Variants in VPS16 observed in about 807,000 individuals in gnomAD.
VPS16 encodes the protein VPS16 core subunit of CORVET and HOPS complexes.
Under a neutral mutation model 116.0 loss-of-function variants are expected in VPS16, and 82 were observed. The ratio of observed to expected loss-of-function variants is 0.71; its 90% CI spans 0.59 to 0.85. The LOEUF (loss-of-function observed/expected upper bound fraction) is 0.85. VPS16 is among the 40% of genes least tolerant of loss of function. The pLI, the probability that VPS16 is intolerant of heterozygous loss-of-function variation, is 0.00. For missense variants in VPS16, 928 were observed against 1,090.6 expected, an observed-to-expected ratio of 0.85 and a Z score of 2.10; for synonymous variants, 406 against 420.7, an observed-to-expected ratio of 0.96 and a Z score of 0.43.
chr20:2,864,147 C>T lies in VPS16; in HGVS notation c.1612-32C>T, dbSNP rs747434281. 5.6e-6 allele frequency: 9 copies of T among 1,614,116 alleles called. No homozygotes were observed. In the East Asian group the frequency reaches 8.9e-5, roughly 16 times the overall value. Reference sequence around the variant, plus strand: ...TTGTTCAGGGCCCCCATGCCAGCTCCTTCTCTCTGTGCCTTCCTTCTCACC... The same window carrying T: ...TTGTTCAGGGCCCCCATGCCAGCTCTTTCTCTCTGTGCCTTCCTTCTCACC... On this transcript the variant is annotated intron_variant, in intron 16 of 23. Transcript: ENST00000380445. The surrounding 1 kb of genome is among the most constrained non-coding windows in gnomAD (Gnocchi z 5.2).
rs949404197 is a variant in VPS16 at position 2,864,675 on chromosome 20, G to A, written c.1926+21G>A. The A allele has an allele frequency of 6.3e-6, 10 of 1,598,446 alleles. No homozygotes were observed. The African/African-American group carries it at 1.2e-4, about 19-fold the overall frequency. Reference sequence around the variant, plus strand: ...AAGAGGTCTGAGATCCATGGGGCGTGTGGGGCGTGTGGGGCATGTGGGCTG... The same window carrying A: ...AAGAGGTCTGAGATCCATGGGGCGTATGGGGCGTGTGGGGCATGTGGGCTG... On this transcript the variant is annotated intron_variant, in intron 19 of 23. Coordinates refer to ENST00000380445, the MANE Select transcript of VPS16 (RefSeq NM_022575.4). This position sits in a 1 kb window ranked among gnomAD's most constrained non-coding sequence, Gnocchi z 5.2.
Position 2,864,805 on chromosome 20 carries a change from G to T in VPS16, c.1926+151G>T. The T allele has an allele frequency of 2.6e-6, 3 of 1,169,594 alleles. No homozygotes were observed. Among genetic ancestry groups the T allele is most frequent in the Non-Finnish European group, 3.7e-6 (3 of 811,718 alleles). The allele number at this position is 1,169,594 out of a possible 1,614,324, so 72.5% of individuals were successfully genotyped here. On this transcript the variant is annotated intron_variant, in intron 19 of 23. Transcript: ENST00000380445. The surrounding 1 kb of genome is among the most constrained non-coding windows in gnomAD (Gnocchi z 5.2). ...ACTCTGACGTGAGGCCAGGATGGGG[G>T]TTAGTGTCAGAGGAGCTAGCCATCC...
intron 8 of VPS16, 60 bp downstream of exon 8, chr20:2,861,340 A>G: frequency 1.2e-6 from 2 of 1,609,986 alleles, no homozygotes; most frequent in Non-Finnish European, 1.7e-6. Context: ...TTCCTGGGAC[A>G]ATCAGTTCCT....
chr20:2,864,853 AC>A lies in VPS16; in HGVS notation c.1927-123del, dbSNP rs2089302126. The A allele has an allele frequency of 7.6e-7, 1 of 1,312,480 alleles. No individual in the cohort carries two copies. Among genetic ancestry groups the A allele is most frequent in the South Asian group, 1.2e-5 (1 of 80,906 alleles). The allele number at this position is 1,312,480 out of a possible 1,614,324, so 81.3% of individuals were successfully genotyped here. A position where few individuals can be genotyped will look rare whatever the true frequency, so the allele number is the denominator to read the frequency against. Reference sequence around the variant, plus strand: ...TCCCTCTAGGACATCAGAGTGGTGCACCTAGCAGGCAAGGCTGACCCTGGCG... The same window carrying A: ...TCCCTCTAGGACATCAGAGTGGTGCACTAGCAGGCAAGGCTGACCCTGGCG... On this transcript the variant is annotated intron_variant, in intron 19 of 23. Transcript: ENST00000380445. The surrounding 1 kb of genome is among the most constrained non-coding windows in gnomAD (Gnocchi z 5.2).
rs201833647 is a variant in VPS16 at position 2,860,850 on chromosome 20, C to T, written c.617C>T (p.Ala206Val). ...GPDLYLLDHAACSAVTPPGLA... is the reference protein window; with the variant it reads ...GPDLYLLDHAVCSAVTPPGLA... ...GACCTTTACCTCTTGGACCATGCAGCCTGCTCCGCAGTGGTAAGGGCCCTG... is the reference window on the plus strand; with the variant it reads ...GACCTTTACCTCTTGGACCATGCAGTCTGCTCCGCAGTGGTAAGGGCCCTG... Residue 206 changes from alanine (A) to valine (V), a missense_variant, in exon 6 of 24, where the codon GCC becomes GTC. Ala to Val is a moderately conservative substitution (Grantham distance 64). Transcript: ENST00000380445. The surrounding 1 kb of genome is among the most constrained non-coding windows in gnomAD (Gnocchi z 6.1). 422 of 1,614,096 alleles carry T rather than the reference C, an allele frequency of 2.6e-4. No individual in the cohort carries two copies. Among genetic ancestry groups the T allele is most frequent in the Admixed American group, 3.7e-4 (22 of 60,018 alleles).
chr20:2,864,381 G>A lies in VPS16; in HGVS notation c.1737G>A (p.Leu579=), dbSNP rs372849166. 69 of 1,614,070 alleles carry A rather than the reference G, an allele frequency of 4.3e-5. No homozygotes were observed. Among genetic ancestry groups the A allele is most frequent in the Non-Finnish European group, 5.3e-5 (62 of 1,180,046 alleles). ...CTCCTGCAGTGTTCACGGTGTTGCT[G>A]CACCTGAAGAACGAGCTGAACCGAG... ...GDTDLVFTVL[L]HLKNELNRGD... The change falls in exon 18 of 24, where the codon CTG becomes CTA. Residue 579 remains leucine (L), a synonymous_variant. Transcript: ENST00000380445. This position sits in a 1 kb window ranked among gnomAD's most constrained non-coding sequence, Gnocchi z 5.2.
chr20:2,865,275 G>T lies in VPS16; in HGVS notation c.2132G>T (p.Arg711Leu). 4 of 1,614,110 alleles carry T rather than the reference G, an allele frequency of 2.5e-6. No individual in the cohort carries two copies. The highest frequency in any genetic ancestry group is 3.4e-6 in the Non-Finnish European group (4 of 1,180,040). Residue 711 changes from arginine (R) to leucine (L), a missense_variant, in exon 21 of 24, where the codon CGT becomes CTT. Arg to Leu is a moderately radical substitution (Grantham distance 102, BLOSUM62 -2). Coordinates refer to ENST00000380445, the MANE Select transcript of VPS16 (RefSeq NM_022575.4). The surrounding 1 kb of genome is among the most constrained non-coding windows in gnomAD (Gnocchi z 5.2). ...TTLILGGHNKRAEQLARDFRI... is the reference protein window; with the variant it reads ...TTLILGGHNKLAEQLARDFRI... ...CTCATTCTTGGCGGTCACAACAAGC[G>T]TGCAGAGCAGCTGGCACGTGACTTC... is the stretch of plus-strand genomic sequence containing the variant.
intron 1 of VPS16, among the ~76,000 whole-genome samples, chr20:2,842,996 A>G (rs1314368653): frequency 6.6e-6 from 1 of 151,040 alleles, no homozygotes; most frequent in Non-Finnish European, 1.5e-5. Context: ...GAAACTGTAT[A>G]CCATTCTCAC....
chr20:2,847,401 C>A (rs552030591), intron 1 of VPS16, among the ~76,000 whole-genome samples: 3 of 152,254 alleles, frequency 2.0e-5, no homozygotes, highest in Admixed American at 6.5e-5. Context: ...TCACCCACCC[C>A]CTCCCTGGAT....
At chr20:2,845,554 A>G (rs919638225) in intron 1 of VPS16, among the ~76,000 whole-genome samples, 1 of 151,916 alleles carries the variant, frequency 6.6e-6, no homozygotes, top group Non-Finnish European at 1.5e-5. Context: ...GTGTAGTGGC[A>G]CGCACATGTA....
rs2146630416 is a variant in VPS16, at chr20:2,840,765, T to C, written c.-10T>C. ...CCCTCGGTGCTTCCCAGCTGCCGTC[T>C]GCACCAGCCATGGACTGCTACACGG... On this transcript the variant is annotated 5_prime_UTR_variant, in exon 1 of 24. Transcript: ENST00000380445. The C allele has an allele frequency of 6.5e-7, 1 of 1,548,110 alleles. No individual in the cohort carries two copies. Among genetic ancestry groups the C allele is most frequent in the Non-Finnish European group, 8.7e-7 (1 of 1,146,500 alleles).
In VPS16 at chr20:2,862,603, T is replaced by C. The variant is rs1381082377; in HGVS notation, c.1096T>C (p.Tyr366His). 1 of 1,613,390 alleles carries C rather than the reference T, an allele frequency of 6.2e-7. No individual in the cohort carries two copies. The highest frequency in any genetic ancestry group is 1.3e-5 in the African/African-American group (1 of 74,848). Residue 366 changes from tyrosine to histidine, a missense_variant, in exon 12 of 24, where the codon TAC (tyrosine) becomes CAC (histidine). Transcript: ENST00000380445. ...GAAAGAGAGCCAGAAGGCGGACGAG[T>C]ACCTGCGGGAGATCCAGGAGCTGGG... ...YEKESQKADE[Y>H]LREIQELGQL... is the part of the protein sequence containing the mutation.
chr20:2,849,146 C>G (rs2089090919), intron 1 of VPS16, among the ~76,000 whole-genome samples: 1 of 152,080 alleles, frequency 6.6e-6, no homozygotes, highest in Admixed American at 6.6e-5. Flanking sequence ...ATCCCTCTTC[C>G]AAGTTTCAGG....
chr20:2,860,290 C>T lies in VPS16; in HGVS notation c.292C>T (p.Leu98Phe). The T allele has an allele frequency of 1.9e-6, 3 of 1,614,054 alleles. No individual in the cohort carries two copies. The highest frequency in any genetic ancestry group is 2.5e-6 in the Non-Finnish European group (3 of 1,180,012). The change falls in exon 4 of 24, where the codon CTC becomes TTC. Residue 98 changes from leucine to phenylalanine, a missense_variant. Physicochemically the swap from Leu to Phe is conservative, Grantham distance 22 (BLOSUM62 0). Coordinates refer to ENST00000380445, the MANE Select transcript of VPS16 (RefSeq NM_022575.4). The surrounding 1 kb of genome is among the most constrained non-coding windows in gnomAD (Gnocchi z 6.1). Reference protein sequence around the residue: ...SLGWSAEEELLCVQEDGAVLV... With the variant: ...SLGWSAEEELFCVQEDGAVLV... Reference sequence around the variant, plus strand: ...GGGCTGGTCAGCTGAGGAGGAGCTGCTCTGTGTGCAGGAAGATGGTGCTGT... The same window carrying T: ...GGGCTGGTCAGCTGAGGAGGAGCTGTTCTGTGTGCAGGAAGATGGTGCTGT...
chr20:2,861,809 G>T lies in VPS16; in HGVS notation c.904G>T (p.Val302Leu). The change falls in exon 10 of 24, where the codon GTG becomes TTG. Residue 302 changes from valine to leucine, a missense_variant. Transcript: ENST00000380445. Reference sequence around the variant, plus strand: ...AGGAGCCTTAACCAAGCTCAGGTTTGTGCTGGATGAGGACTCCTACCTGGT... The same window carrying T: ...AGGAGCCTTAACCAAGCTCAGGTTTTTGCTGGATGAGGACTCCTACCTGGT... Reference protein sequence around the residue: ...VGDAPESIQFVLDEDSYLVPE... With the variant: ...VGDAPESIQFLLDEDSYLVPE... 1.2e-6 allele frequency: 2 copies of T among 1,613,938 alleles called. No individual in the cohort carries two copies. The highest frequency in any genetic ancestry group is 1.1e-5 in the South Asian group (1 of 90,990).
Position 2,865,308 on chromosome 20 carries a change from C to G in VPS16, c.2165C>G (p.Pro722Arg), listed in dbSNP as rs2089315114. The G allele has an allele frequency of 1.2e-6, 2 of 1,614,184 alleles. No homozygotes were observed. Among genetic ancestry groups the G allele is most frequent in the South Asian group, 2.2e-5 (2 of 91,084 alleles). The change falls in exon 21 of 24, where the codon CCT becomes CGT. Residue 722 changes from proline (P) to arginine (R), a missense_variant. Physicochemically the swap from Pro to Arg is moderately radical, Grantham distance 103 (BLOSUM62 -2). Coordinates refer to ENST00000380445, the MANE Select transcript of VPS16 (RefSeq NM_022575.4). This position sits in a 1 kb window ranked among gnomAD's most constrained non-coding sequence, Gnocchi z 5.2. ...AEQLARDFRI[P>R]DKRLWWLKLT... ...CAGCTGGCACGTGACTTCCGCATCC[C>G]TGACAAGAGGTAGGTGAGGGCCCAG... is the stretch of plus-strand genomic sequence containing the variant.
chr20:2,840,852 A>G (rs745645707), intron 1 of VPS16, 25 bp downstream of exon 1: 17 of 782,432 alleles, frequency 2.2e-5, no homozygotes, highest in Middle Eastern at 4.7e-4. Context: ...CCTCCCGCCC[A>G]CGGCCTGGCT....
At chr20:2,842,635 T>G (rs1292009550) in intron 1 of VPS16, among the ~76,000 whole-genome samples, 5 of 115,262 alleles carry the variant, frequency 4.3e-5, no homozygotes, top group African/African-American at 6.4e-5. Context: ...TATATCTATC[T>G]ATAGATAGAT....
intron 1 of VPS16, among the ~76,000 whole-genome samples, chr20:2,842,083 AC>A: frequency 6.6e-6 from 1 of 152,100 alleles, no homozygotes; most frequent in Non-Finnish European, 1.5e-5. Flanking sequence ...TCTCTTTATC[AC>A]CAGTGCATAT....
Sources: allele counts gnomAD v4.1 joint callset (sites outside exome capture counted in the v4.1 genomes callset), GRCh38; gene constraint gnomAD v4.1.1; non-coding constraint Gnocchi (gnomAD v3.1); transcripts MANE v1.5; gene names NCBI Gene and HGNC (gene_info 2026-07-23, HGNC 2026-07-21).